CCAR2: variants seen among roughly 807,000 people sequenced by gnomAD.
The protein encoded by CCAR2 is cell cycle and apoptosis regulator protein 2.
A neutral mutation model predicts 108.1 loss-of-function variants in CCAR2; 21 were observed. The observed-to-expected ratio is 0.19, with a 90% CI of 0.14 to 0.28. CCAR2 has a LOEUF of 0.28. Among genes scored for constraint, CCAR2 ranks in the 10% least tolerant of loss-of-function variants. The pLI, the probability that CCAR2 is intolerant of heterozygous loss-of-function variation, is 1.00. For missense variants in CCAR2, 1,126 were observed against 1,177.0 expected (o/e 0.96, Z 0.63); for synonymous variants, 577 against 472.8 (o/e 1.22, Z -2.86).
chr8:22,613,422 C>T (rs1801373211), intron 8 of CCAR2, among the ~76,000 whole-genome samples: 1 of 148,238 alleles, frequency 6.7e-6, no homozygotes, highest in South Asian at 2.1e-4. Context: ...GATTTATTTA[C>T]CCAGTTCTCC....
At chr8:22,611,023 A>G (rs1801252731) in intron 7 of CCAR2, among the ~76,000 whole-genome samples, 1 of 152,022 alleles carries the variant, frequency 6.6e-6, no homozygotes, top group African/African-American at 2.4e-5. Context: ...AGTACATGCT[A>G]TTATATAAAA....
intron 7 of CCAR2, among the ~76,000 whole-genome samples, chr8:22,610,228 T>A (rs113168101): frequency 1.3e-5 from 2 of 152,142 alleles, no homozygotes; most frequent in African/African-American, 2.4e-5. Flanking sequence ...GCAGCAACTT[T>A]TATTTATTTA....
At position 22,607,343 on chromosome 8, in the gene CCAR2, T is replaced by C. The variant is rs1801115064; in HGVS notation, c.487+18T>C. The stretch of plus-strand genomic sequence containing the variant: ...TCAGAAGCGTGAGTACGAGTGGCAC[T>C]GTTGTTGGGTGTGGCATTATGGGGT... On this transcript the variant is annotated intron_variant, in intron 6 of 20. Transcript: ENST00000308511. 6.2e-7 allele frequency: 1 copy of C among 1,607,050 alleles called. No individual in the cohort carries two copies. Among genetic ancestry groups the C allele is most frequent in the Non-Finnish European group, 8.5e-7 (1 of 1,179,878 alleles).
chr8:22,612,796 T>C, intron 7 of CCAR2: 1 of 467,816 alleles, frequency 2.1e-6, no homozygotes, highest in Non-Finnish European at 3.7e-6. Flanking sequence ...GTGTATACAA[T>C]GTTGCAGAGT....
chr8:22,609,790 T>A (rs895553385), intron 7 of CCAR2, among the ~76,000 whole-genome samples: 1 of 152,188 alleles, frequency 6.6e-6, no homozygotes, highest in Non-Finnish European at 1.5e-5. Flanking sequence ...GCTTTCTCTA[T>A]CAGTTGCATT....
In CCAR2 at chr8:22,618,717, A is replaced by T. The variant is rs148552616; in HGVS notation, c.2321A>T (p.Glu774Val). 2.8e-4 allele frequency: 452 copies of T among 1,613,810 alleles called. No individual in the cohort carries two copies. Among genetic ancestry groups the T allele is most frequent in the Non-Finnish European group, 3.6e-4 (424 of 1,180,004 alleles). ...GGCCTGGATGGTGGCCTTCCCGAGG[A>T]GGTGCTCTTCGGTATGTTCTGGGGC... ...QEGLDGGLPE[E>V]VLFGNLDLLP... Residue 774 changes from glutamate to valine, a missense_variant, in exon 18 of 21, where the codon GAG becomes GTG. Glu to Val is a moderately radical substitution (Grantham distance 121, BLOSUM62 -2). Coordinates refer to ENST00000308511, the MANE Select transcript of CCAR2 (RefSeq NM_001393997.1).
At chr8:22,611,199 A>G (rs984982913) in intron 7 of CCAR2, among the ~76,000 whole-genome samples, 4 of 151,820 alleles carry the variant, frequency 2.6e-5, no homozygotes, top group Admixed American at 2.0e-4. Flanking sequence ...TGACTCTACT[A>G]AAAATACAAA....
intron 11 of CCAR2, 125 bp downstream of exon 11, chr8:22,615,126 C>A: frequency 2.3e-6 from 3 of 1,283,316 alleles, no homozygotes; most frequent in Non-Finnish European, 2.1e-6. Context: ...TTCCTTCCCC[C>A]TCTGGTGCCT....
intron 10 of CCAR2, 57 bp from the exon 11 acceptor site, chr8:22,614,781 A>C: frequency 6.2e-7 from 1 of 1,607,972 alleles, no homozygotes; most frequent in Non-Finnish European, 8.5e-7. Flanking sequence ...CTTGCCCTGC[A>C]GTGGGAGACC....
intron 3 of CCAR2, 37 bp downstream of exon 3, chr8:22,606,213 T>A: frequency 6.9e-7 from 1 of 1,439,650 alleles, no homozygotes; most frequent in Non-Finnish European, 9.8e-7. Flanking sequence ...TTTCAGCCCT[T>A]GGGACTGAAT....
intron 1 of CCAR2, 161 bp downstream of exon 1, chr8:22,605,003 C>T: frequency 3.2e-6 from 1 of 309,572 alleles, no homozygotes; most frequent in South Asian, 2.4e-5. Context: ...ACGGCCTCGG[C>T]CTTGGGGGCG....
Position 22,617,217 on chromosome 8 carries a change from G to GAA in CCAR2, c.1846-198_1846-197dup, listed in dbSNP as rs1416011764. Reference sequence around the variant, plus strand: ...TCTGGGACCAAGATCAACTCCTGAGGAAAAAAGCCCAGGTGTCTGGCGATG... The same window carrying GAA: ...TCTGGGACCAAGATCAACTCCTGAGGAAAAAAAAGCCCAGGTGTCTGGCGATG... On this transcript the variant is annotated intron_variant, in intron 14 of 20. Coordinates refer to ENST00000308511, the MANE Select transcript of CCAR2 (RefSeq NM_001393997.1). 1.3e-5 allele frequency among the ~76,000 whole-genome samples: 2 copies of GAA among 152,012 alleles called. 1 individual carries two copies. The highest frequency in any genetic ancestry group is 4.1e-4 in the South Asian group (2 of 4,824).
chr8:22,605,972 C>T (rs1237619291), intron 2 of CCAR2, 113 bp from the exon 3 acceptor site: 1 of 1,269,922 alleles, frequency 7.9e-7, no homozygotes, highest in Non-Finnish European at 1.1e-6. Context: ...GCCAGTGAAG[C>T]TCTGTGGAGG....
chr8:22,615,370 G>C, intron 11 of CCAR2, 55 bp from the exon 12 acceptor site: 1 of 1,572,880 alleles, frequency 6.4e-7, no homozygotes, highest in Non-Finnish European at 8.6e-7. Flanking sequence ...TGTGAACGTG[G>C]TGTCTGCGTG....
At chr8:22,611,824 TTTC>T (rs1252652453) in intron 7 of CCAR2, among the ~76,000 whole-genome samples, 10 of 152,290 alleles carry the variant, frequency 6.6e-5, no homozygotes, top group South Asian at 6.2e-4. Context: ...ATGTGTAGTC[TTTC>T]TTCTTCTTTT....
intron 7 of CCAR2, among the ~76,000 whole-genome samples, chr8:22,610,613 TC>T (rs1016041574): frequency 6.6e-6 from 1 of 152,190 alleles, no homozygotes; most frequent in African/African-American, 2.4e-5. Context: ...GCTACTGACA[TC>T]CCATCGGGGC....
chr8:22,607,471 T>G (rs1801120043), intron 6 of CCAR2, 146 bp downstream of exon 6: 4 of 725,386 alleles, frequency 5.5e-6, no homozygotes, highest in Admixed American at 3.9e-5. Flanking sequence ...TTTAGGGTTT[T>G]TTTTTTTTTT....
In CCAR2 at chr8:22,617,457, G is replaced by T. The variant is rs530753672; in HGVS notation, c.1883G>T (p.Gly628Val). ...CTTTTGCCCAAACCACTCTCTTCTGGGGGAGAGGAAGAAGAAAAACCCCGG... is the reference window on the plus strand; with the variant it reads ...CTTTTGCCCAAACCACTCTCTTCTGTGGGAGAGGAAGAAGAAAAACCCCGG... ...DGLLPKPLSS[G>V]GEEEEKPRGE... is the part of the protein sequence containing the mutation. Residue 628 changes from glycine to valine, a missense_variant, in exon 15 of 21, where the codon GGG becomes GTG. Gly to Val is a moderately radical substitution (Grantham distance 109). This residue lies in a region of CCAR2 where 1,013 missense variants were observed against 993.9 expected (regional missense o/e 1.02). Transcript: ENST00000308511. The T allele has an allele frequency of 3.8e-6, 6 of 1,598,422 alleles. No homozygotes were observed. In the South Asian group the frequency reaches 4.5e-5, roughly 12 times the overall value.
intron 5 of CCAR2, 59 bp downstream of exon 5, chr8:22,607,083 C>G: frequency 1.2e-6 from 2 of 1,609,334 alleles, no homozygotes; most frequent in Non-Finnish European, 1.7e-6. Flanking sequence ...CCCCTGTGCC[C>G]TGACAGCTGG....
Sources: allele counts gnomAD v4.1 joint callset (sites outside exome capture counted in the v4.1 genomes callset), GRCh38; gene constraint gnomAD v4.1.1; regional missense constraint gnomAD v4.1.1; transcripts MANE v1.5; gene names NCBI Gene and HGNC (gene_info 2026-07-23, HGNC 2026-07-21).